The following WWTR1 variants were observed in gnomAD, a reference collection of about 807,000 sequenced individuals.
The protein encoded by WWTR1 is WW domain-containing transcription regulator protein 1.
A neutral mutation model predicts 40.1 loss-of-function variants in WWTR1; 13 were observed. The observed-to-expected ratio is 0.32, with a 90% CI of 0.21 to 0.52. WWTR1 has a LOEUF of 0.52. Ranked by LOEUF, WWTR1 falls within the 20% of genes least tolerant of loss-of-function variation. WWTR1 has a pLI of 0.97. For synonymous variants in WWTR1, 230 were observed against 210.1 expected (o/e 1.09, Z -0.82); for missense variants, 436 against 523.1 (o/e 0.83, Z 1.63).
Position 149,709,707 on chromosome 3 carries a change from C to G in WWTR1, n.585-6379G>C, listed in dbSNP as rs190454672. ...ATCACCTAAAGTTAGGAGTTTGAGA[C>G]CAGCCTGATCAACTTGGTGAAATCC... is the stretch of plus-strand genomic sequence containing the variant. On this transcript the variant is annotated intron_variant and non_coding_transcript_variant, in intron 5 of 6. Coordinates refer to the WWTR1 transcript ENST00000474080. Among the ~76,000 whole-genome samples the G allele has an allele frequency of 6.0e-4, 91 of 152,078 alleles. No homozygotes were observed. In the East Asian group the frequency reaches 0.014, roughly 23 times the overall value.
At chr3:149,672,727 AT>A (rs1249134938) in intron 1 of WWTR1, among the ~76,000 whole-genome samples, 1 of 151,560 alleles carries the variant, frequency 6.6e-6, no homozygotes, top group Non-Finnish European at 1.5e-5. Flanking sequence ...TATATAAAAA[AT>A]CTTTCTATAA....
chr3:149,564,010 T>A (rs1422332904), intron 3 of WWTR1, among the ~76,000 whole-genome samples: 8 of 152,184 alleles, frequency 5.3e-5, no homozygotes. Flanking sequence ...CGCCTTGGCC[T>A]CCCAAAGCGC....
chr3:149,676,802 C>A (rs1714275320), intron 1 of WWTR1, among the ~76,000 whole-genome samples: 1 of 151,952 alleles, frequency 6.6e-6, no homozygotes, highest in South Asian at 2.1e-4. Flanking sequence ...AGTGTGCATG[C>A]TTTTCAATAG....
intron 4 of WWTR1, among the ~76,000 whole-genome samples, chr3:149,532,863 G>T (rs1381836301): frequency 6.6e-6 from 1 of 152,210 alleles, no homozygotes; most frequent in East Asian, 1.9e-4. Context: ...AACTAAAGCA[G>T]CTGAAGCAAA....
At chr3:149,558,929 C>A (rs1373914090) in intron 3 of WWTR1, among the ~76,000 whole-genome samples, 3 of 151,868 alleles carry the variant, frequency 2.0e-5, no homozygotes, top group African/African-American at 7.3e-5. Context: ...CATTTCGAAT[C>A]TGGGCTATTA....
chr3:149,669,545 A>T (rs1329929458), intron 2 of WWTR1, among the ~76,000 whole-genome samples: 1 of 152,244 alleles, frequency 6.6e-6, no homozygotes, highest in East Asian at 1.9e-4. Flanking sequence ...AAGGAAAGGA[A>T]ACATTAAAAG....
chr3:149,715,220 AAGAGG>A (rs921116053), intron 5 of WWTR1, among the ~76,000 whole-genome samples: 4 of 152,222 alleles, frequency 2.6e-5, no homozygotes, highest in Admixed American at 2.6e-4. Flanking sequence ...GTTGTGGGTG[AAGAGG>A]AGAGAACACC....
At chr3:149,633,956 G>C (rs528993804) in intron 2 of WWTR1, among the ~76,000 whole-genome samples, 23 of 152,256 alleles carry the variant, frequency 1.5e-4, no homozygotes, top group African/African-American at 4.8e-4. Flanking sequence ...AGGGTGATGA[G>C]AGCCATCATG....
intron 3 of WWTR1, among the ~76,000 whole-genome samples, chr3:149,572,432 C>T (rs1737683070): frequency 6.6e-6 from 1 of 152,128 alleles, no homozygotes; most frequent in African/African-American, 2.4e-5. Flanking sequence ...GGAGGCCTAA[C>T]TGATTTTTCT....
chr3:149,570,054 A>G (rs1407846135), intron 3 of WWTR1, among the ~76,000 whole-genome samples: 1 of 152,228 alleles, frequency 6.6e-6, no homozygotes, highest in African/African-American at 2.4e-5. Flanking sequence ...GCTTGAAATG[A>G]AATAGTCTGA....
At chr3:149,668,220 C>T (rs1713915516) in intron 2 of WWTR1, among the ~76,000 whole-genome samples, 1 of 152,168 alleles carries the variant, frequency 6.6e-6, no homozygotes, top group African/African-American at 2.4e-5. Flanking sequence ...TTGTATCTTT[C>T]AGCAAGGAAG....
chr3:149,554,490 T>C (rs2107961890), intron 3 of WWTR1, among the ~76,000 whole-genome samples: 1 of 152,348 alleles, frequency 6.6e-6, no homozygotes, highest in Non-Finnish European at 1.5e-5. Context: ...TGTGCAAGTA[T>C]CTAGGCAACT....
At chr3:149,537,626 T>C (rs1416389826) in intron 4 of WWTR1, among the ~76,000 whole-genome samples, 2 of 152,332 alleles carry the variant, frequency 1.3e-5, no homozygotes, top group East Asian at 1.9e-4. Context: ...CTTTGTGGTA[T>C]ACATGTCTGA....
At chr3:149,705,016 CAA>C, upstream of WWTR1, among the ~76,000 whole-genome samples, 1 of 151,828 alleles carries the variant, frequency 6.6e-6, no homozygotes, top group Admixed American at 6.6e-5. Context: ...ATAAAAAGAA[CAA>C]AAAATAACTC....
intron 3 of WWTR1, among the ~76,000 whole-genome samples, chr3:149,561,864 G>A (rs1214142549): frequency 6.6e-6 from 1 of 152,186 alleles, no homozygotes; most frequent in Admixed American, 6.5e-5. Flanking sequence ...TGTTTCCCTG[G>A]AAAGGAGAAA....
At chr3:149,642,787 A>G (rs956959894) in intron 2 of WWTR1, among the ~76,000 whole-genome samples, 35 of 152,162 alleles carry the variant, frequency 2.3e-4, no homozygotes, top group African/African-American at 8.4e-4. Flanking sequence ...AAAAAAAAAA[A>G]AAAGAAATCC....
intron 1 of WWTR1, among the ~76,000 whole-genome samples, chr3:149,692,174 A>G (rs2108214284): frequency 6.6e-6 from 1 of 152,210 alleles, no homozygotes; most frequent in Middle Eastern, 3.4e-3. Context: ...AAAAGAGAGA[A>G]AGAAAAGGAA....
chr3:149,657,489 G>T, intron 1 of WWTR1, 180 bp from the exon 2 acceptor site: 1 of 728,748 alleles, frequency 1.4e-6, no homozygotes, highest in South Asian at 2.0e-5. Flanking sequence ...GGATGGGGGA[G>T]GGGTCCCTCC....
intron 2 of WWTR1, among the ~76,000 whole-genome samples, chr3:149,586,564 T>C (rs1184323954): frequency 1.3e-5 from 2 of 152,212 alleles, no homozygotes; most frequent in African/African-American, 2.4e-5. Context: ...TTGGTTTTAA[T>C]ATTTGGTCTT....
Sources: allele counts gnomAD v4.1 joint callset (sites outside exome capture counted in the v4.1 genomes callset), GRCh38; gene constraint gnomAD v4.1.1; transcripts MANE v1.5; gene names NCBI Gene and HGNC (gene_info 2026-07-23, HGNC 2026-07-21).